HK1: variants seen among roughly 807,000 people sequenced by gnomAD.
The protein encoded by HK1 is hexokinase 1, also known as hexokinase-1.
HK1 carries 28 observed loss-of-function variants against 91.6 expected under a neutral mutation model. The ratio of observed to expected loss-of-function variants is 0.31; its 90% CI spans 0.23 to 0.42. The LOEUF (loss-of-function observed/expected upper bound fraction) is 0.42, where lower values mean the gene tolerates loss of function less well. Ranked by LOEUF, HK1 falls within the 10% of genes least tolerant of loss-of-function variation. The pLI, the probability that HK1 is intolerant of heterozygous loss-of-function variation, is 1.00. For synonymous variants in HK1, 430 were observed against 468.1 expected (o/e 0.92, Z 1.05); for missense variants, 770 against 1,219.8 (o/e 0.63, Z 5.49).
rs1352493029 is a variant in HK1 at position 69,380,512 on chromosome 10, C to G, written c.1265+417C>G. On this transcript the variant is annotated intron_variant, in intron 9 of 17. Transcript: ENST00000359426. The surrounding 1 kb of genome is among the most constrained non-coding windows in gnomAD (Gnocchi z 4.0). ...GCTCCTCTGGGTGGAATGTGTCTGT[C>G]TCTCGTCCGCATTTCATCAGGAGGA... is the stretch of plus-strand genomic sequence containing the variant. Among the ~76,000 whole-genome samples, 9 of 152,176 alleles carry G rather than the reference C, an allele frequency of 5.9e-5. No individual in the cohort carries two copies. Among genetic ancestry groups the G allele is most frequent in the Admixed American group, 5.9e-4 (9 of 15,280 alleles).
In HK1 at chr10:69,354,659, G is replaced by C. The variant is rs111447980; in HGVS notation, c.227-5238G>C. Among the ~76,000 whole-genome samples the C allele has an allele frequency of 2.7e-3, 413 of 152,068 alleles. 3 individuals carry two copies. Among genetic ancestry groups the C allele is most frequent in the African/African-American group, 9.4e-3 (391 of 41,394 alleles). ...ACCATATCAGGTGCCTTGAATGAATGAATGGACCACCAGTCCCTGTGACCA... is the reference window on the plus strand; with the variant it reads ...ACCATATCAGGTGCCTTGAATGAATCAATGGACCACCAGTCCCTGTGACCA... On this transcript the variant is annotated intron_variant, in intron 2 of 17. Transcript: ENST00000359426.
chr10:69,392,234 C>A lies in HK1; in HGVS notation c.2145C>A (p.Asn715Lys). Residue 715 changes from asparagine (N) to lysine (K), a missense_variant, in exon 15 of 18, where the codon AAC becomes AAA. Transcript: ENST00000359426. ...INMEWGAFGD[N>K]GCLDDIRTHY... The stretch of plus-strand genomic sequence containing the variant: ...TGGAGTGGGGGGCCTTTGGGGACAA[C>A]GGGTGTCTGGATGATATCAGGACAC... 1 of 1,614,160 alleles carries A rather than the reference C, an allele frequency of 6.2e-7. No individual in the cohort carries two copies.
intron 1 of HK1, among the ~76,000 whole-genome samples, chr10:69,342,794 G>C (rs1054880430): frequency 4.6e-5 from 7 of 152,194 alleles, no homozygotes; most frequent in Admixed American, 2.0e-4. Flanking sequence ...TTCCTCGGTG[G>C]ACTCTACAGG....
intron 4 of HK1, among the ~76,000 whole-genome samples, chr10:69,367,189 C>T (rs953121110): frequency 6.6e-6 from 1 of 152,136 alleles, no homozygotes; most frequent in African/African-American, 2.4e-5. Context: ...GGGGGGTGTC[C>T]ACCTGCCAGC....
At chr10:69,398,924 C>T (rs998667120) in intron 17 of HK1, 96 bp downstream of exon 17, 10 of 914,426 alleles carry the variant, frequency 1.1e-5, no homozygotes, top group African/African-American at 3.3e-5. Flanking sequence ...AAATGCCCTG[C>T]GGGAGCCCAG....
chr10:69,305,832 G>A (rs1323307839), intron 5 of HK1, among the ~76,000 whole-genome samples: 6 of 149,486 alleles, frequency 4.0e-5, no homozygotes, highest in East Asian at 2.0e-4. Flanking sequence ...CAGCCTGGGC[G>A]ACAGAGTGAG....
intron 4 of HK1, among the ~76,000 whole-genome samples, chr10:69,366,927 G>T (rs1849733924): frequency 1.3e-5 from 2 of 152,224 alleles, no homozygotes; most frequent in Admixed American, 6.5e-5. Context: ...CCCTGTGCCA[G>T]GCATGGGCTA....
chr10:69,317,083 A>T (rs1472807421), upstream of HK1, among the ~76,000 whole-genome samples: 1 of 152,206 alleles, frequency 6.6e-6, no homozygotes, highest in Non-Finnish European at 1.5e-5. Context: ...ATGGAAAATA[A>T]TTCAAATATA....
At chr10:69,281,139 A>G (rs7907242) in intron 1 of HK1, among the ~76,000 whole-genome samples, 150,538 of 152,296 alleles carry the variant, frequency 0.99, 74,432 homozygotes, top group Non-Finnish European at 1. Flanking sequence ...TAGGCATCTA[A>G]AATAGGGCTC....
intron 1 of HK1, among the ~76,000 whole-genome samples, chr10:69,281,501 G>A (rs1844746558): frequency 6.6e-6 from 1 of 152,190 alleles, no homozygotes; most frequent in South Asian, 2.1e-4. Flanking sequence ...AGAAAACTCT[G>A]ACTTAGACCA....
At chr10:69,329,216 G>A (rs1847558456) in intron 1 of HK1, among the ~76,000 whole-genome samples, 1 of 150,942 alleles carries the variant, frequency 6.6e-6, no homozygotes, top group African/African-American at 2.4e-5. Context: ...AGGCTGGAGT[G>A]CAGTGGTGCA....
chr10:69,271,668 G>A (rs1447144729), intron 1 of HK1, among the ~76,000 whole-genome samples: 1 of 151,694 alleles, frequency 6.6e-6, no homozygotes, highest in African/African-American at 2.4e-5. Context: ...TATTAGAGAT[G>A]GGGTTTCACC....
At chr10:69,357,083 CATTACTGGT>C (rs1849174481) in intron 2 of HK1, among the ~76,000 whole-genome samples, 1 of 152,102 alleles carries the variant, frequency 6.6e-6, no homozygotes, top group South Asian at 2.1e-4. Context: ...AAACTTCATG[CATTACTGGT>C]AGGAATGTAA....
chr10:69,271,777 TGACA>T (rs1844182965), intron 1 of HK1, among the ~76,000 whole-genome samples: 1 of 152,070 alleles, frequency 6.6e-6, no homozygotes, highest in Non-Finnish European at 1.5e-5. Flanking sequence ...GCACCCGGCC[TGACA>T]ATTTTGAAGT....
intron 4 of HK1, among the ~76,000 whole-genome samples, chr10:69,366,359 A>T (rs1469287911): frequency 1.3e-5 from 2 of 152,012 alleles, no homozygotes; most frequent in African/African-American, 4.8e-5. Context: ...TGCAGGGAGC[A>T]CCCCTGGGTC....
At chr10:69,301,537 G>T (rs1248464016) in intron 5 of HK1, among the ~76,000 whole-genome samples, 1 of 125,172 alleles carries the variant, frequency 8.0e-6, no homozygotes, top group African/African-American at 3.1e-5. Flanking sequence ...TCACACCAGT[G>T]TACTCTAGCC....
intron 2 of HK1, among the ~76,000 whole-genome samples, chr10:69,287,576 G>C (rs1845087043): frequency 6.6e-6 from 1 of 152,224 alleles, no homozygotes; most frequent in South Asian, 2.1e-4. Flanking sequence ...GACACAGAAA[G>C]TAGATTAGTG....
chr10:69,326,338 A>G (rs1847376246), intron 1 of HK1, among the ~76,000 whole-genome samples: 1 of 152,074 alleles, frequency 6.6e-6, no homozygotes, highest in Non-Finnish European at 1.5e-5. Flanking sequence ...TACAGGAAGT[A>G]TTATTCCCGG....
At chr10:69,291,973 T>A (rs1845315634) in intron 3 of HK1, among the ~76,000 whole-genome samples, 1 of 152,204 alleles carries the variant, frequency 6.6e-6, no homozygotes, top group Non-Finnish European at 1.5e-5. Context: ...AGTTTTGGCT[T>A]TGGGCATGTG....
Sources: gnomAD v4.1 joint callset for allele counts (sites outside exome capture counted in the v4.1 genomes callset) on GRCh38, gnomAD v4.1.1 for gene constraint, Gnocchi (gnomAD v3.1) non-coding constraint, MANE v1.5 for transcripts, NCBI Gene and HGNC (gene_info 2026-07-23, HGNC 2026-07-21) for gene names.